Variants in BCKDHB observed in about 807,000 individuals in gnomAD.
The protein encoded by BCKDHB is 2-oxoisovalerate dehydrogenase subunit beta, mitochondrial.
In BCKDHB, 41 loss-of-function variants were observed where a neutral mutation model predicts 48.5. The ratio of observed to expected loss-of-function variants is 0.85; its 90% CI spans 0.66 to 1.10. The LOEUF is 1.10. Ranked by LOEUF, BCKDHB falls within the 50% of genes least tolerant of loss-of-function variation. BCKDHB has a pLI of 0.00. For synonymous variants in BCKDHB, 201 were observed against 174.8 expected (o/e 1.15, Z -1.18); for missense variants, 496 against 494.2 (o/e 1.00, Z -0.03).
At chr6:80,402,327 A>G in the BCKDHB span, among the ~76,000 whole-genome samples, 1 of 151,768 alleles carries the variant, frequency 6.6e-6, no homozygotes, top group African/African-American at 2.4e-5. Flanking sequence ...GTGAGATGAT[A>G]TCTTATTGTG....
At chr6:80,364,094 C>A in the BCKDHB span, among the ~76,000 whole-genome samples, 3 of 152,330 alleles carry the variant, frequency 2.0e-5, no homozygotes, top group South Asian at 6.2e-4. Flanking sequence ...ACTAACAATA[C>A]TCCTACAGTG....
chr6:80,384,291 T>C, the BCKDHB span, among the ~76,000 whole-genome samples: 2 of 151,922 alleles, frequency 1.3e-5, no homozygotes, highest in Non-Finnish European at 1.5e-5. Flanking sequence ...GTTTCTCCCA[T>C]GCTGGACGCT....
the BCKDHB span, among the ~76,000 whole-genome samples, chr6:80,370,165 T>C: frequency 6.2e-4 from 94 of 152,136 alleles, no homozygotes; most frequent in African/African-American, 2.1e-3. Context: ...TATAGGCCTA[T>C]GAATAATTAG....
At position 80,331,182 on chromosome 6, in the gene BCKDHB, C is replaced by T. The variant is rs80338270; in HGVS notation, c.1039-12482C>T. On this transcript the variant is annotated intron_variant, in intron 9 of 9. Transcript: ENST00000320393. ...GAATGCAGTCATGGCCTTAAGCATC[C>T]GGCAACCCACCCAGTTGAGAGAGCC... Among the ~76,000 whole-genome samples the T allele has an allele frequency of 9.9e-3, 1,499 of 152,146 alleles. 26 individuals are homozygous for T. The highest frequency in any genetic ancestry group is 0.034 in the African/African-American group (1,401 of 41,488).
At chr6:80,241,585 G>A (rs1407960641) in intron 8 of BCKDHB, among the ~76,000 whole-genome samples, 1 of 152,174 alleles carries the variant, frequency 6.6e-6, no homozygotes, top group Admixed American at 6.6e-5. Context: ...CCAGCGGAGG[G>A]TGCAGAGCAG....
chr6:80,276,425 TA>T (rs1278842234), intron 9 of BCKDHB, among the ~76,000 whole-genome samples: 1 of 151,980 alleles, frequency 6.6e-6, no homozygotes, highest in Non-Finnish European at 1.5e-5. Context: ...AGTATTCTTT[TA>T]AGTTTATAAT....
intron 9 of BCKDHB, among the ~76,000 whole-genome samples, chr6:80,320,485 A>G (rs1353156653): frequency 6.6e-6 from 1 of 152,152 alleles, no homozygotes; most frequent in Non-Finnish European, 1.5e-5. Flanking sequence ...CGAGTTTGCA[A>G]AACATTATTA....
chr6:80,407,924 T>C, the BCKDHB span, among the ~76,000 whole-genome samples: 4 of 152,198 alleles, frequency 2.6e-5, no homozygotes, highest in African/African-American at 9.7e-5. Context: ...GGCATCCTTG[T>C]CTTGTGCCAG....
chr6:80,109,425 G>A (rs1197227940), intron 1 of BCKDHB, among the ~76,000 whole-genome samples: 2 of 152,136 alleles, frequency 1.3e-5, no homozygotes, highest in East Asian at 3.9e-4. Flanking sequence ...TGGGTTTTAT[G>A]TATCTGAGAT....
chr6:80,413,779 T>C, the BCKDHB span, among the ~76,000 whole-genome samples: 48 of 152,362 alleles, frequency 3.2e-4, no homozygotes, highest in African/African-American at 1.1e-3. Context: ...TGTTTCTCTA[T>C]GGTAGAACAG....
At chr6:80,323,327 T>C (rs1768846356) in intron 9 of BCKDHB, among the ~76,000 whole-genome samples, 1 of 152,242 alleles carries the variant, frequency 6.6e-6, no homozygotes, top group South Asian at 2.1e-4. Context: ...TGTGAACACA[T>C]AGTACAAATT....
At chr6:80,437,741 T>C in the BCKDHB span, among the ~76,000 whole-genome samples, 2,457 of 152,312 alleles carry the variant, frequency 0.016, 79 homozygotes, top group African/African-American at 0.055. Context: ...CATCTGACAC[T>C]CTGAAAAAGC....
At chr6:80,392,748 A>G in the BCKDHB span, among the ~76,000 whole-genome samples, 1 of 151,590 alleles carries the variant, frequency 6.6e-6, no homozygotes, top group African/African-American at 2.4e-5. Context: ...ATTAAATTAT[A>G]TTTAATAGTC....
chr6:80,369,237 G>C, the BCKDHB span, among the ~76,000 whole-genome samples: 1 of 125,264 alleles, frequency 8.0e-6, no homozygotes, highest in Admixed American at 7.9e-5. Context: ...GTTGTTATTC[G>C]TTATTTGTAT....
chr6:80,309,763 T>C (rs997006202), intron 9 of BCKDHB, among the ~76,000 whole-genome samples: 4 of 152,308 alleles, frequency 2.6e-5, no homozygotes, highest in African/African-American at 9.6e-5. Flanking sequence ...TTATATAGGT[T>C]GTGTGTCACG....
the BCKDHB span, among the ~76,000 whole-genome samples, chr6:80,404,986 T>C: frequency 1.3e-5 from 2 of 152,138 alleles, no homozygotes; most frequent in Non-Finnish European, 1.5e-5. Context: ...GAATATTCCA[T>C]GTGTTCTTGA....
chr6:80,154,517 C>T (rs1313144235), intron 3 of BCKDHB, among the ~76,000 whole-genome samples: 1 of 152,082 alleles, frequency 6.6e-6, no homozygotes, highest in Non-Finnish European at 1.5e-5. Flanking sequence ...ACAAACAGCA[C>T]TTTGTTCATC....
At chr6:80,230,462 A>G (rs1474136670) in intron 8 of BCKDHB, among the ~76,000 whole-genome samples, 1 of 152,250 alleles carries the variant, frequency 6.6e-6, no homozygotes, top group Non-Finnish European at 1.5e-5. Context: ...CTGCAGTGCC[A>G]TGTAAACAAG....
chr6:80,400,844 G>A, the BCKDHB span, among the ~76,000 whole-genome samples: 5 of 151,988 alleles, frequency 3.3e-5, no homozygotes, highest in Admixed American at 1.3e-4. Context: ...GCTGGATAAA[G>A]AAAATGTAGT....
Sources: allele counts gnomAD v4.1 joint callset (sites outside exome capture counted in the v4.1 genomes callset), GRCh38; gene constraint gnomAD v4.1.1; transcripts MANE v1.5; gene names NCBI Gene and HGNC (gene_info 2026-07-23, HGNC 2026-07-21).